PHF24: variants seen among roughly 807,000 people sequenced by gnomAD.
PHF24 encodes Galpha inhibitory interacting protein.
Under a neutral mutation model 42.6 loss-of-function variants are expected in PHF24, and 25 were observed. The observed-to-expected ratio is 0.59, with a 90% CI of 0.43 to 0.82. The LOEUF (loss-of-function observed/expected upper bound fraction) is 0.82, where lower values mean the gene tolerates loss of function less well. Among genes scored for constraint, PHF24 ranks in the 40% least tolerant of loss-of-function variants. PHF24 has a pLI of 0.00. For synonymous variants in PHF24, 185 were observed against 204.8 expected (o/e 0.90, Z 0.83); for missense variants, 470 against 538.1 (o/e 0.87, Z 1.25).
the PHF24 span, among the ~76,000 whole-genome samples, chr9:34,730,411 TG>T: frequency 0.53 from 80,222 of 151,888 alleles, 23,908 homozygotes; most frequent in South Asian, 0.74. Context: ...CTGGTAATGG[TG>T]GTCTCAGGCC....
chr9:34,933,496 G>T, the PHF24 span, among the ~76,000 whole-genome samples: 1 of 152,022 alleles, frequency 6.6e-6, no homozygotes, highest in African/African-American at 2.4e-5. Flanking sequence ...AGGCCGAGGT[G>T]AGTGGATCAC....
the PHF24 span, among the ~76,000 whole-genome samples, chr9:34,816,213 C>G: frequency 6.6e-6 from 1 of 152,206 alleles, no homozygotes; most frequent in Non-Finnish European, 1.5e-5. Context: ...TACAGCTGAT[C>G]CAGTTTGCAA....
At chr9:34,917,104 C>A in the PHF24 span, 1 of 760,662 alleles carries the variant, frequency 1.3e-6, no homozygotes, top group African/African-American at 1.7e-5. Flanking sequence ...CCTCTCCTCT[C>A]CTCTCCTCAC....
At chr9:34,847,899 C>T in the PHF24 span, among the ~76,000 whole-genome samples, 23 of 152,276 alleles carry the variant, frequency 1.5e-4, no homozygotes, top group Admixed American at 1.4e-3. Context: ...TGCTGGATTA[C>T]ATTTATTGAT....
At chr9:34,685,653 G>A in the PHF24 span, among the ~76,000 whole-genome samples, 1 of 152,178 alleles carries the variant, frequency 6.6e-6, no homozygotes, top group South Asian at 2.1e-4. Context: ...GACTTGGGAG[G>A]TCATTCTCCT....
chr9:34,940,495 TA>T, the PHF24 span, among the ~76,000 whole-genome samples: 1 of 152,108 alleles, frequency 6.6e-6, no homozygotes, highest in African/African-American at 2.4e-5. Flanking sequence ...CTCACACCTA[TA>T]ATCCCAATAC....
chr9:34,917,123 C>G, the PHF24 span: 2 of 841,896 alleles, frequency 2.4e-6, no homozygotes, highest in Non-Finnish European at 4.1e-6. Context: ...ACCTCGCTCT[C>G]GCGGCCTACC....
At chr9:34,712,514 CT>C in the PHF24 span, among the ~76,000 whole-genome samples, 4 of 151,664 alleles carry the variant, frequency 2.6e-5, no homozygotes, top group East Asian at 1.9e-4. Context: ...AATACTGATC[CT>C]TTTTTTTCTG....
the PHF24 span, among the ~76,000 whole-genome samples, chr9:34,946,011 A>G: frequency 2.8e-4 from 42 of 152,188 alleles, no homozygotes; most frequent in Non-Finnish European, 5.3e-4. Flanking sequence ...AGAACAGTCG[A>G]TGGAAAGTGT....
chr9:34,875,288 T>C, the PHF24 span, among the ~76,000 whole-genome samples: 1 of 152,340 alleles, frequency 6.6e-6, no homozygotes, highest in Admixed American at 6.5e-5. Context: ...ACAATATTCT[T>C]CTTGTCTTTT....
chr9:34,815,310 G>C, the PHF24 span, among the ~76,000 whole-genome samples: 1 of 119,382 alleles, frequency 8.4e-6, no homozygotes, highest in Non-Finnish European at 1.8e-5. Context: ...TTTCCTTTAA[G>C]AATTCTTTTT....
At chr9:34,851,871 A>T in the PHF24 span, among the ~76,000 whole-genome samples, 1 of 152,206 alleles carries the variant, frequency 6.6e-6, no homozygotes, top group South Asian at 2.1e-4. Flanking sequence ...TTTAACTTTC[A>T]TACTAAGGAT....
chr9:34,857,909 A>G, the PHF24 span, among the ~76,000 whole-genome samples: 1 of 147,970 alleles, frequency 6.8e-6, no homozygotes, highest in Non-Finnish European at 1.5e-5. Flanking sequence ...AAGTCATTTC[A>G]GTCTCTGTTA....
chr9:34,864,452 C>A, the PHF24 span, among the ~76,000 whole-genome samples: 4 of 152,030 alleles, frequency 2.6e-5, no homozygotes, highest in African/African-American at 9.7e-5. Context: ...TGGCAGCAGA[C>A]TTTTCAGTGG....
At chr9:34,893,369 G>A in the PHF24 span, among the ~76,000 whole-genome samples, 1 of 152,110 alleles carries the variant, frequency 6.6e-6, no homozygotes, top group African/African-American at 2.4e-5. Flanking sequence ...GGGAGGCTGA[G>A]GTGGATGGAT....
the PHF24 span, among the ~76,000 whole-genome samples, chr9:34,707,127 T>C: frequency 6.6e-6 from 1 of 152,204 alleles, no homozygotes; most frequent in African/African-American, 2.4e-5. Flanking sequence ...AATTTCTGTC[T>C]GTGATGGGGC....
exon 8 of PHF24, chr9:34,978,481 G>A (rs1016337797): frequency 4.6e-6 from 1 of 216,604 alleles, no homozygotes; most frequent in Non-Finnish European, 9.3e-6. Context: ...GAAGCCCCTG[G>A]TATAGAGGAG....
chr9:34,827,343 CCT>C, the PHF24 span, among the ~76,000 whole-genome samples: 5 of 152,208 alleles, frequency 3.3e-5, no homozygotes, highest in Non-Finnish European at 7.3e-5. Context: ...TAGAAAAACA[CCT>C]GTTGAGTGTT....
At chr9:34,668,262 T>G in the PHF24 span, among the ~76,000 whole-genome samples, 1 of 152,122 alleles carries the variant, frequency 6.6e-6, no homozygotes, top group African/African-American at 2.4e-5. Flanking sequence ...CTTCTTCCTC[T>G]GGGAAGTCCA....
Sources: allele counts gnomAD v4.1 joint callset (sites outside exome capture counted in the v4.1 genomes callset), GRCh38; gene constraint gnomAD v4.1.1; transcripts MANE v1.5; gene names NCBI Gene and HGNC (gene_info 2026-07-23, HGNC 2026-07-21).